The following CCDC7 variants were observed in gnomAD, a reference collection of about 807,000 sequenced individuals.
CCDC7 encodes coiled-coil domain-containing protein 7.
A neutral mutation model predicts 196.9 loss-of-function variants in CCDC7; 183 were observed. The observed-to-expected ratio is 0.93, with a 90% CI of 0.82 to 1.05. The LOEUF is 1.05. CCDC7 is among the 50% of genes least tolerant of loss of function. CCDC7 has a pLI of 0.00. For synonymous variants in CCDC7, 525 were observed against 484.6 expected, an observed-to-expected ratio of 1.08 and a Z score of -1.10; for missense variants, 1,540 against 1,482.2, an observed-to-expected ratio of 1.04 and a Z score of -0.64.
chr10:32,876,384 A>G, exon 42 of CCDC7: 1 of 1,610,698 alleles, frequency 6.2e-7, no homozygotes, highest in South Asian at 1.1e-5. Flanking sequence ...TACCACACCC[A>G]TACTTTTGAG....
At chr10:32,518,669 CATATT>C (rs751449353) in intron 11 of CCDC7, among the ~76,000 whole-genome samples, 164 bp downstream of exon 12, 7 of 149,866 alleles carry the variant, frequency 4.7e-5, no homozygotes, top group Non-Finnish European at 8.9e-5. Context: ...TCTAAATTAT[CATATT>C]AGGTGTCAAA....
chr10:32,668,478 C>T (rs2073322987), intron 21 of CCDC7, among the ~76,000 whole-genome samples: 1 of 152,082 alleles, frequency 6.6e-6, no homozygotes, highest in South Asian at 2.1e-4. Context: ...CCAGTTTTTG[C>T]CCATTCAGTA....
At chr10:32,623,319 A>G (rs2063608141) in intron 18 of CCDC7, among the ~76,000 whole-genome samples, 1 of 152,064 alleles carries the variant, frequency 6.6e-6, no homozygotes, top group South Asian at 2.1e-4. Flanking sequence ...TTGGATCTTT[A>G]TTGCAGTTGG....
intron 28 of CCDC7, among the ~76,000 whole-genome samples, chr10:32,743,244 TG>T (rs2074088488): frequency 6.6e-6 from 1 of 152,210 alleles, no homozygotes; most frequent in African/African-American, 2.4e-5. Flanking sequence ...CACTTTTTGA[TG>T]GGGTTGTTTG....
At chr10:32,504,955 G>A (rs1036472678) in intron 9 of CCDC7, among the ~76,000 whole-genome samples, 20 of 152,068 alleles carry the variant, frequency 1.3e-4, no homozygotes, top group African/African-American at 2.4e-4. Context: ...CGATGTTTCC[G>A]TATTCATTTG....
chr10:32,704,608 T>G lies in CCDC7; in HGVS notation c.2459-7012T>G, dbSNP rs2079371558. 2.6e-5 allele frequency among the ~76,000 whole-genome samples: 4 copies of G among 151,982 alleles called. No homozygotes were observed. The South Asian group carries it at 8.3e-4, about 32-fold the overall frequency. Reference sequence around the variant, plus strand: ...TTTGGGTATGCCCTGCCCCCAGAGGTGGATTCTACTGAGGCAGGCAGGCCT... The same window carrying G: ...TTTGGGTATGCCCTGCCCCCAGAGGGGGATTCTACTGAGGCAGGCAGGCCT... On this transcript the variant is annotated intron_variant, in intron 24 of 41. Coordinates refer to ENST00000639629, the Ensembl canonical transcript of CCDC7.
At chr10:32,761,984 G>T (rs2077533736) in intron 28 of CCDC7, among the ~76,000 whole-genome samples, 1 of 151,940 alleles carries the variant, frequency 6.6e-6, no homozygotes. Flanking sequence ...CTGAGAGCCA[G>T]AAAGTGGTTG....
At chr10:32,549,659 G>C (rs2053132749) in intron 13 of CCDC7, among the ~76,000 whole-genome samples, 1 of 152,084 alleles carries the variant, frequency 6.6e-6, no homozygotes, top group South Asian at 2.1e-4. Flanking sequence ...AGCACCATTT[G>C]TTGAATAGGG....
intron 11 of CCDC7, among the ~76,000 whole-genome samples, chr10:32,532,258 A>AT (rs1010739550): frequency 3.3e-5 from 5 of 152,112 alleles, no homozygotes; most frequent in Admixed American, 3.3e-4. Flanking sequence ...GTTTGAAGAA[A>AT]TTTTTAAGTG....
At chr10:32,511,262 G>GC in intron 9 of CCDC7, 2 of 480,160 alleles carry the variant, frequency 4.2e-6, no homozygotes, top group Non-Finnish European at 3.3e-6. Flanking sequence ...TGTGGGGGGC[G>GC]GGGGGGGCGG....
intron 20 of CCDC7, among the ~76,000 whole-genome samples, chr10:32,648,069 A>G (rs970655334): frequency 6.6e-6 from 1 of 152,212 alleles, no homozygotes; most frequent in African/African-American, 2.4e-5. Flanking sequence ...TTCTAGCATC[A>G]TTTATTGAAT....
intron 29 of CCDC7, among the ~76,000 whole-genome samples, chr10:32,787,445 C>G (rs185766906): frequency 9.9e-5 from 15 of 152,148 alleles, no homozygotes; most frequent in African/African-American, 3.6e-4. Flanking sequence ...TTGAATGTAA[C>G]GCAGATGTAA....
intron 5 of CCDC7, among the ~76,000 whole-genome samples, chr10:32,469,048 C>T (rs889019179): frequency 1.3e-5 from 2 of 152,204 alleles, no homozygotes; most frequent in Admixed American, 6.5e-5. Context: ...CTGAAGAAAC[C>T]GTTTAGCTGA....
At chr10:32,460,110 A>C (rs1460049119) in intron 3 of CCDC7, among the ~76,000 whole-genome samples, 2 of 152,216 alleles carry the variant, frequency 1.3e-5, no homozygotes, top group Non-Finnish European at 2.9e-5. Flanking sequence ...ATAAAAGGCA[A>C]TATTGATAAA....
At chr10:32,598,127 C>T (rs373560195) in intron 18 of CCDC7, among the ~76,000 whole-genome samples, 17 of 152,142 alleles carry the variant, frequency 1.1e-4, no homozygotes, top group African/African-American at 3.9e-4. Context: ...GGCAGGCAGA[C>T]CTCCTTGGGC....
At chr10:32,562,166 A>G (rs1396910454) in intron 13 of CCDC7, among the ~76,000 whole-genome samples, 1 of 152,210 alleles carries the variant, frequency 6.6e-6, no homozygotes, top group Admixed American at 6.5e-5. Context: ...TCAATAGCTT[A>G]CCAACCAAAA....
intron 9 of CCDC7, among the ~76,000 whole-genome samples, chr10:32,494,342 A>G (rs2042582914): frequency 6.6e-6 from 1 of 151,694 alleles, no homozygotes; most frequent in Admixed American, 6.6e-5. Context: ...ATATATATGT[A>G]AATTTATTTC....
At chr10:32,646,352 T>G (rs901849024) in intron 20 of CCDC7, among the ~76,000 whole-genome samples, 1 of 152,158 alleles carries the variant, frequency 6.6e-6, no homozygotes, top group Admixed American at 6.5e-5. Context: ...TTCCTTCTGT[T>G]ATTGATTCAT....
downstream of CCDC7, among the ~76,000 whole-genome samples, chr10:32,877,318 G>C (rs956193714): frequency 5.9e-5 from 9 of 152,052 alleles, no homozygotes; most frequent in Non-Finnish European, 1.0e-4. Flanking sequence ...CTCTAAAACT[G>C]TGAAAGATCC....
Sources: allele counts gnomAD v4.1 joint callset (sites outside exome capture counted in the v4.1 genomes callset), GRCh38; gene constraint gnomAD v4.1.1; transcripts MANE v1.5; gene names NCBI Gene and HGNC (gene_info 2026-07-23, HGNC 2026-07-21).